The following EFCAB8 variants were observed in gnomAD, a reference collection of about 807,000 sequenced individuals.
EFCAB8 encodes EF-hand calcium-binding domain-containing protein 8.
A neutral mutation model predicts 116.3 loss-of-function variants in EFCAB8; 100 were observed. That is an observed-to-expected ratio of 0.86 (90% CI 0.73 to 1.02). The LOEUF (loss-of-function observed/expected upper bound fraction) is 1.02. Among genes scored for constraint, EFCAB8 ranks in the 50% least tolerant of loss-of-function variants. The pLI is 0.00. For missense variants in EFCAB8, 1,320 were observed against 1,416.9 expected, an observed-to-expected ratio of 0.93 and a Z score of 1.10; for synonymous variants, 558 against 567.9, an observed-to-expected ratio of 0.98 and a Z score of 0.25.
chr20:32,890,220 C>T (rs77720743), intron 7 of EFCAB8, among the ~76,000 whole-genome samples: 4,202 of 152,150 alleles, frequency 0.028, 73 homozygotes, highest in South Asian at 0.054. Flanking sequence ...GTGCTGAGGC[C>T]ACTGTGGTCT....
At position 32,908,030 on chromosome 20, in the gene EFCAB8, C is replaced by A. The variant is rs1986757407; in HGVS notation, c.1309-245C>A. Among the ~76,000 whole-genome samples the A allele has an allele frequency of 1.3e-5, 2 of 152,264 alleles. 1 individual carries two copies. Among genetic ancestry groups the A allele is most frequent in the South Asian group, 4.1e-4 (2 of 4,828 alleles). ...TTCAGCTGCTCCAACAGGGTGGAGG[C>A]CTGGGGGCAGGCTGGGGGTGGAGCT... On this transcript the variant is annotated intron_variant, in intron 13 of 26. Transcript: ENST00000400522.
Position 32,931,161 on chromosome 20 carries a change from C to T in EFCAB8, c.2632-17C>T. 1 of 1,524,310 alleles carries T rather than the reference C, an allele frequency of 6.6e-7. No individual in the cohort carries two copies. The highest frequency in any genetic ancestry group is 8.8e-7 in the Non-Finnish European group (1 of 1,133,344). The allele number at this position is 1,524,310 out of a possible 1,614,324, so 94.4% of individuals were successfully genotyped here. On this transcript the variant is annotated splice_polypyrimidine_tract_variant and intron_variant, in intron 21 of 26. Coordinates refer to ENST00000400522, the MANE Select transcript of EFCAB8 (RefSeq NM_001143967.2). ...GGTCAAGGGGTGTGAGGCCACTAAC[C>T]CACACTTTATGTCTAGATCTGGGAC...
rs1016308365 is a variant in EFCAB8 at position 32,911,611 on chromosome 20, G to A, written c.1689G>A (p.Arg563=). 2 of 1,551,572 alleles carry A rather than the reference G, an allele frequency of 1.3e-6. No individual in the cohort carries two copies. The highest frequency in any genetic ancestry group is 2.7e-5 in the African/African-American group (2 of 73,050). The change falls in exon 16 of 27, where the codon CGG becomes CGA. Residue 563 remains arginine, a synonymous_variant. Coordinates refer to ENST00000400522, the MANE Select transcript of EFCAB8 (RefSeq NM_001143967.2). Reference sequence around the variant, plus strand: ...CCATGGCCCTGGATGAGTCAGAGCGGTGCCTGCTCACAGGTTTGCGGGATG... The same window carrying A: ...CCATGGCCCTGGATGAGTCAGAGCGATGCCTGCTCACAGGTTTGCGGGATG... The part of the protein sequence containing the change: ...MTAMALDESE[R]CLLTGLRDGT...
Position 32,913,314 on chromosome 20 carries a change from A to C in EFCAB8, c.1856+450A>C, listed in dbSNP as rs139247116. Among the ~76,000 whole-genome samples, 804 of 152,174 alleles carry C rather than the reference A, an allele frequency of 5.3e-3. 5 individuals are homozygous for C. Among genetic ancestry groups the C allele is most frequent in the African/African-American group, 0.016 (678 of 41,516 alleles). ...ATAGACAGCTGTCTTCTTACTGTAA[A>C]CTTACATGGTGGAAGGGTTAAGAAA... On this transcript the variant is annotated intron_variant, in intron 17 of 26. Transcript: ENST00000400522.
chr20:32,891,707 G>A (rs1188908765), intron 7 of EFCAB8, among the ~76,000 whole-genome samples: 5 of 152,340 alleles, frequency 3.3e-5, no homozygotes, highest in South Asian at 4.1e-4. Context: ...TGGGGTGGCC[G>A]GCCACGTAGA....
chr20:32,866,892 TTCTC>T (rs1196994910), intron 2 of EFCAB8, among the ~76,000 whole-genome samples: 7 of 150,290 alleles, frequency 4.7e-5, no homozygotes, highest in Admixed American at 6.7e-5. Context: ...CTTCCTTTCT[TTCTC>T]TCTCTCTCTT....
rs999711862 is a variant in EFCAB8, at chr20:32,898,664, A to C, written c.1088+41A>C. 9.8e-6 allele frequency: 7 copies of C among 711,356 alleles called. No homozygotes were observed. In the Admixed American group the frequency reaches 1.4e-4, roughly 14 times the overall value. The allele number at this position is 711,356 out of a possible 1,614,324, so 44.1% of individuals were successfully genotyped here. On this transcript the variant is annotated intron_variant, in intron 11 of 26. Transcript: ENST00000400522. ...CTCCTGGCTAAGGCGGTGGGGCTGG[A>C]AGGGAGGGGGGTGGTGAGTGGACCA... is the stretch of plus-strand genomic sequence containing the variant.
chr20:32,885,793 A>T (rs1183081965), intron 6 of EFCAB8, among the ~76,000 whole-genome samples, 153 bp downstream of exon 6: 1 of 152,142 alleles, frequency 6.6e-6, no homozygotes, highest in African/African-American at 2.4e-5. Context: ...ACTTGGCTTC[A>T]CTGTGGGAGC....
intron 4 of EFCAB8, among the ~76,000 whole-genome samples, chr20:32,876,295 C>T (rs11167183): frequency 2.6e-5 from 4 of 152,062 alleles, no homozygotes; most frequent in East Asian, 3.9e-4. Context: ...GAGTGTGCAG[C>T]GGTGACCCCA....
Position 32,961,333 on chromosome 20 carries a change from C to T in EFCAB8, c.3591C>T (p.Ser1197=). ...CGGACAGCACGCCTGCGGCCGCCTC[C>T]TCCCCATCTTCCTTGTTATCTGTCA... ...DTTDSTPAAA[S]SPSSLLSVTA... is the part of the protein sequence containing the mutation. Residue 1197 remains serine, a synonymous_variant, in exon 27 of 27, where the codon TCC becomes TCT. Coordinates refer to ENST00000400522, the MANE Select transcript of EFCAB8 (RefSeq NM_001143967.2). The T allele has an allele frequency of 6.7e-7, 1 of 1,486,604 alleles. No individual in the cohort carries two copies. The allele number at this position is 1,486,604 out of a possible 1,614,324, so 92.1% of individuals were successfully genotyped here. A position where few individuals can be genotyped will look rare whatever the true frequency, so the allele number is the denominator to read the frequency against.
chr20:32,875,561 G>C (rs1373821230), intron 3 of EFCAB8, among the ~76,000 whole-genome samples: 1 of 137,580 alleles, frequency 7.3e-6, no homozygotes, highest in Non-Finnish European at 1.6e-5. Flanking sequence ...CTGGAGTGCA[G>C]TGGTGCGATC....
intron 11 of EFCAB8, among the ~76,000 whole-genome samples, chr20:32,899,865 C>T (rs1257963942): frequency 6.6e-6 from 1 of 152,138 alleles, no homozygotes; most frequent in Admixed American, 6.5e-5. Context: ...CGAGCCACCG[C>T]GCCTGGCCCA....
intron 12 of EFCAB8, 67 bp from the exon 13 acceptor site, chr20:32,906,776 A>G (rs1986694377): frequency 1.2e-6 from 1 of 816,516 alleles, no homozygotes; most frequent in East Asian, 2.7e-5. Context: ...TCTGGGCACC[A>G]CCTTCACCAG....
At chr20:32,937,056 T>C (rs1436268791) in intron 22 of EFCAB8, among the ~76,000 whole-genome samples, 2 of 152,102 alleles carry the variant, frequency 1.3e-5, no homozygotes, top group Non-Finnish European at 2.9e-5. Flanking sequence ...TATTTTAAAA[T>C]ACCTGGCTAA....
At chr20:32,903,095 C>T (rs1046731974) in intron 11 of EFCAB8, among the ~76,000 whole-genome samples, 12 of 152,208 alleles carry the variant, frequency 7.9e-5, no homozygotes, top group African/African-American at 2.9e-4. Context: ...CAGCCAGGGC[C>T]CTGTATGGAG....
intron 11 of EFCAB8, among the ~76,000 whole-genome samples, chr20:32,902,115 A>G (rs1227265846): frequency 6.6e-6 from 1 of 152,216 alleles, no homozygotes; most frequent in African/African-American, 2.4e-5. Flanking sequence ...ATATTTCTCT[A>G]AGTACCTCAG....
intron 17 of EFCAB8, among the ~76,000 whole-genome samples, chr20:32,915,342 C>T (rs1987136231): frequency 6.6e-6 from 1 of 152,216 alleles, no homozygotes; most frequent in Admixed American, 6.5e-5. Flanking sequence ...AATTTCTTAT[C>T]TTGCAAGTTC....
At chr20:32,882,365 G>A (rs1357134534) in intron 5 of EFCAB8, among the ~76,000 whole-genome samples, 1 of 152,132 alleles carries the variant, frequency 6.6e-6, no homozygotes, top group Non-Finnish European at 1.5e-5. Flanking sequence ...GCTGTTCACG[G>A]CACACTGTCC....
intron 3 of EFCAB8, among the ~76,000 whole-genome samples, chr20:32,870,894 T>C (rs1427292145): frequency 6.6e-6 from 1 of 151,822 alleles, no homozygotes; most frequent in Non-Finnish European, 1.5e-5. Context: ...AGTCTCACTC[T>C]GTCACCCAGG....
Sources: gnomAD v4.1 joint callset for allele counts (sites outside exome capture counted in the v4.1 genomes callset) on GRCh38, gnomAD v4.1.1 for gene constraint, MANE v1.5 for transcripts, NCBI Gene and HGNC (gene_info 2026-07-23, HGNC 2026-07-21) for gene names.